The following VPS13B variants were observed in gnomAD, a reference collection of about 807,000 sequenced individuals.
VPS13B encodes the protein vacuolar protein sorting 13 homolog B.
VPS13B carries 285 observed loss-of-function variants against 426.4 expected under a neutral mutation model. That is an observed-to-expected ratio of 0.67 (90% confidence interval 0.61 to 0.74). VPS13B has a LOEUF of 0.74. Ranked by LOEUF, VPS13B falls within the 30% of genes least tolerant of loss-of-function variation. The pLI, the probability that VPS13B is intolerant of heterozygous loss-of-function variation, is 0.00. For missense variants in VPS13B, 4,537 were observed against 4,782.6 expected (o/e 0.95, Z 1.51); for synonymous variants, 1,676 against 1,676.4 (o/e 1.00, Z 0.01).
At chr8:99,445,192 T>A (rs2133446630) in intron 23 of VPS13B, among the ~76,000 whole-genome samples, 1 of 150,262 alleles carries the variant, frequency 6.7e-6, no homozygotes, top group South Asian at 2.1e-4. Context: ...CATATAAACA[T>A]TTGTAATATG....
At chr8:99,078,051 A>G (rs139778850) in intron 3 of VPS13B, among the ~76,000 whole-genome samples, 3 of 151,434 alleles carry the variant, frequency 2.0e-5, no homozygotes, top group East Asian at 1.9e-4. Context: ...AATGACATCT[A>G]TCTCTTTTGA....
intron 19 of VPS13B, among the ~76,000 whole-genome samples, chr8:99,312,749 A>T (rs1027003080): frequency 6.6e-6 from 1 of 152,202 alleles, no homozygotes; most frequent in Admixed American, 6.5e-5. Flanking sequence ...TCCGGATAAT[A>T]TCTTGCAGAT....
intron 33 of VPS13B, among the ~76,000 whole-genome samples, chr8:99,587,629 G>A (rs1826374852): frequency 6.6e-6 from 1 of 151,590 alleles, no homozygotes; most frequent in African/African-American, 2.4e-5. Context: ...TTCTTTTAAA[G>A]TGTCTATTCA....
chr8:99,089,062 C>T lies in VPS13B; in HGVS notation c.292-7250C>T, dbSNP rs191195562. Among the ~76,000 whole-genome samples, 40 of 152,274 alleles carry T rather than the reference C, an allele frequency of 2.6e-4. No homozygotes were observed. The East Asian group carries it at 5.8e-3, about 22-fold the overall frequency. Reference sequence around the variant, plus strand: ...GTTGTTAATTTAGTATTATATTTTTCAGTTCCCTTTTTCTCATAGGGAGGC... The same window carrying T: ...GTTGTTAATTTAGTATTATATTTTTTAGTTCCCTTTTTCTCATAGGGAGGC... On this transcript the variant is annotated intron_variant, in intron 3 of 61. Transcript: ENST00000357162.
Position 99,442,497 on chromosome 8 carries a change from T to G in VPS13B, c.3307T>G (p.Trp1103Gly), listed in dbSNP as rs747406522. 5 of 1,613,996 alleles carry G rather than the reference T, an allele frequency of 3.1e-6. No individual in the cohort carries two copies. The South Asian group carries it at 4.4e-5, about 14-fold the overall frequency. Reference protein sequence around the residue: ...SGDIPGTVRSWYHGQTSMPGT... With the variant: ...SGDIPGTVRSGYHGQTSMPGT... ...TGACATTCCTGGAACAGTAAGAAGT[T>G]GGTACCATGGACAAACCAGCATGCC... The change falls in exon 23 of 62, where the codon TGG (tryptophan) becomes GGG (glycine). Residue 1103 changes from tryptophan (W) to glycine (G), a missense_variant. By Grantham distance (184) the Trp-to-Gly change is radical. This residue lies in a region of VPS13B where 4,311 missense variants were observed against 4,474.3 expected (regional missense o/e 0.96). Transcript: ENST00000357162.
intron 8 of VPS13B, among the ~76,000 whole-genome samples, chr8:99,129,703 C>T (rs769535714): frequency 2.0e-5 from 3 of 151,894 alleles, no homozygotes; most frequent in Non-Finnish European, 4.4e-5. Context: ...AGTTAAGTAC[C>T]GTCCTTTCTG....
chr8:99,818,701 T>C lies in VPS13B; in HGVS notation c.8446-12T>C. 3 of 1,613,536 alleles carry C rather than the reference T, an allele frequency of 1.9e-6. No homozygotes were observed. In the South Asian group the frequency reaches 3.3e-5, roughly 18 times the overall value. On this transcript the variant is annotated splice_polypyrimidine_tract_variant and intron_variant, in intron 46 of 61. Transcript: ENST00000357162. ...CAAATATGAAAGTTGTTCTATCCTT[T>C]TATTTTTATAGATTGTGTTCAGCCC... is the stretch of plus-strand genomic sequence containing the variant.
chr8:99,861,969 A>T (rs749306239), intron 58 of VPS13B, 23 bp downstream of exon 58: 15 of 1,561,298 alleles, frequency 9.6e-6, no homozygotes, highest in Admixed American at 1.9e-5. Flanking sequence ...GGGGCCTCCC[A>T]CCTGTCTGTA....
rs1833087908 is a variant in VPS13B at position 99,720,364 on chromosome 8, A to G, written c.6677A>G (p.His2226Arg). 1 of 1,613,178 alleles carries G rather than the reference A, an allele frequency of 6.2e-7. No individual in the cohort carries two copies. The highest frequency in any genetic ancestry group is 1.1e-5 in the South Asian group (1 of 91,028). The change falls in exon 38 of 62, where the codon CAT becomes CGT. Residue 2226 changes from histidine to arginine, a missense_variant. Around this residue, in one of 2 missense-constraint regions of VPS13B, gnomAD observed 4,311 missense variants for 4,474.3 expected, o/e 0.96. Transcript: ENST00000357162. ...TTAAAGGTCTTCTGGGGTCAAGAAC[A>G]TTTGAATTGTTTAGTTCTTCTACAT... Reference protein sequence around the residue: ...GLLQVFWGQEHLNCLVLLHEL... With the variant: ...GLLQVFWGQERLNCLVLLHEL...
Position 99,593,989 on chromosome 8 carries a change from G to A in VPS13B, c.5220+16356G>A, listed in dbSNP as rs116344238. Among the ~76,000 whole-genome samples the A allele has an allele frequency of 9.0e-3, 1,362 of 151,964 alleles. 29 individuals are homozygous for A. Among genetic ancestry groups the A allele is most frequent in the African/African-American group, 0.032 (1,315 of 41,450 alleles). On this transcript the variant is annotated intron_variant, in intron 33 of 61. Coordinates refer to ENST00000357162, the MANE Select transcript of VPS13B (RefSeq NM_152564.5). Reference sequence around the variant, plus strand: ...ATGCTGCACCTAATACCTAGGTGATGGGATGATCTGTGCAGGAAACCACCA... The same window carrying A: ...ATGCTGCACCTAATACCTAGGTGATAGGATGATCTGTGCAGGAAACCACCA...
intron 33 of VPS13B, among the ~76,000 whole-genome samples, chr8:99,608,781 C>T (rs1443730864): frequency 6.6e-6 from 1 of 152,072 alleles, no homozygotes; most frequent in Non-Finnish European, 1.5e-5. Context: ...CTTCATTCAC[C>T]TAGTGTAATG....
intron 36 of VPS13B, among the ~76,000 whole-genome samples, chr8:99,716,869 A>C (rs975516734): frequency 6.6e-6 from 1 of 152,212 alleles, no homozygotes; most frequent in African/African-American, 2.4e-5. Context: ...TTCTTAATGT[A>C]GTTGCTTGAA....
chr8:99,154,874 C>G (rs533876339), intron 14 of VPS13B, among the ~76,000 whole-genome samples: 1 of 151,816 alleles, frequency 6.6e-6, no homozygotes, highest in Non-Finnish European at 1.5e-5. Context: ...ATTTTTTACC[C>G]ATGATGTCAT....
chr8:99,062,316 G>GT (rs1844233601), intron 3 of VPS13B, among the ~76,000 whole-genome samples: 1 of 152,156 alleles, frequency 6.6e-6, no homozygotes, highest in South Asian at 2.1e-4. Flanking sequence ...TTATGTAGCA[G>GT]TTCATACAGA....
chr8:99,393,486 T>C (rs981749243), intron 21 of VPS13B, among the ~76,000 whole-genome samples: 9 of 152,166 alleles, frequency 5.9e-5, no homozygotes, highest in Non-Finnish European at 1.2e-4. Flanking sequence ...ATGGTTCTTT[T>C]CTTTAGAATT....
intron 21 of VPS13B, among the ~76,000 whole-genome samples, chr8:99,423,807 G>A (rs1816519934): frequency 6.6e-6 from 1 of 152,110 alleles, no homozygotes; most frequent in Non-Finnish European, 1.5e-5. Flanking sequence ...TTTTACATTT[G>A]TTGAGGAGTG....
chr8:99,274,922 G>A (rs1003568205), intron 18 of VPS13B, among the ~76,000 whole-genome samples, 159 bp from the exon 19 acceptor site: 1 of 151,982 alleles, frequency 6.6e-6, no homozygotes, highest in South Asian at 2.1e-4. Context: ...AGTTAAAAAT[G>A]CTTTACATTT....
intron 15 of VPS13B, among the ~76,000 whole-genome samples, chr8:99,164,477 A>G (rs1563577456): frequency 6.6e-6 from 1 of 152,192 alleles, no homozygotes; most frequent in East Asian, 1.9e-4. Flanking sequence ...GAGGAGGTCT[A>G]GGCCTCAGCA....
chr8:99,718,242 GT>G (rs1832999878), intron 37 of VPS13B, among the ~76,000 whole-genome samples: 1 of 151,386 alleles, frequency 6.6e-6, no homozygotes, highest in Admixed American at 6.6e-5. Flanking sequence ...CCCAGCTAAT[GT>G]TTTTTATTTT....
Sources: gnomAD v4.1 joint callset for allele counts (sites outside exome capture counted in the v4.1 genomes callset) on GRCh38, gnomAD v4.1.1 for gene constraint, gnomAD v4.1.1 regional missense constraint, MANE v1.5 for transcripts, NCBI Gene and HGNC (gene_info 2026-07-23, HGNC 2026-07-21) for gene names.